Variants in UGT1A8 observed in about 807,000 individuals in gnomAD.
The protein encoded by UGT1A8 is UDP-glucuronosyltransferase 1A8.
Under a neutral mutation model 45.3 loss-of-function variants are expected in UGT1A8, and 39 were observed. That is an observed-to-expected ratio of 0.86 (90% CI 0.67 to 1.12). UGT1A8 has a LOEUF of 1.12. Ranked by LOEUF, UGT1A8 falls within the 50% of genes most tolerant of loss-of-function variation. The pLI, the probability that UGT1A8 is intolerant of heterozygous loss-of-function variation, is 0.00. For synonymous variants in UGT1A8, 275 were observed against 249.2 expected (o/e 1.10, Z -0.97); for missense variants, 719 against 664.9 (o/e 1.08, Z -0.90).
intron 1 of UGT1A8, among the ~76,000 whole-genome samples, chr2:233,739,926 A>G (rs1487240865): frequency 2.0e-5 from 3 of 151,650 alleles, no homozygotes; most frequent in Non-Finnish European, 4.4e-5. Context: ...CATAATCCCC[A>G]TGTGTTAAGG....
chr2:233,665,769 A>T (rs2074064535), intron 1 of UGT1A8, among the ~76,000 whole-genome samples: 1 of 152,226 alleles, frequency 6.6e-6, no homozygotes, highest in East Asian at 1.9e-4. Flanking sequence ...CACACAATAC[A>T]GGAAGTATTT....
rs552536149 is a variant in UGT1A8 at position 233,737,258 on chromosome 2, C to T, written c.856-29776C>T. Among the ~76,000 whole-genome samples, 3 of 152,360 alleles carry T rather than the reference C, an allele frequency of 2.0e-5. No individual in the cohort carries two copies. In the East Asian group the frequency reaches 5.8e-4, roughly 29 times the overall value. On this transcript the variant is annotated intron_variant, in intron 1 of 4. Coordinates refer to ENST00000373450, the MANE Select transcript of UGT1A8 (RefSeq NM_019076.5). Reference sequence around the variant, plus strand: ...CTTTGTTTACCTACTCAAGCCTCAGCAATGGCGGACACCCCTCACCCAGCC... The same window carrying T: ...CTTTGTTTACCTACTCAAGCCTCAGTAATGGCGGACACCCCTCACCCAGCC...
At position 233,679,487 on chromosome 2, in the gene UGT1A8, C is replaced by T. The variant is rs146024249; in HGVS notation, c.855+60925C>T. ...AACAGTAGAGTTAGCCTATCCCTTCCTGCCTTACATTCTGGTGCTTGGTTT... is the reference window on the plus strand; with the variant it reads ...AACAGTAGAGTTAGCCTATCCCTTCTTGCCTTACATTCTGGTGCTTGGTTT... On this transcript the variant is annotated intron_variant, in intron 1 of 4. Coordinates refer to ENST00000373450, the MANE Select transcript of UGT1A8 (RefSeq NM_019076.5). 2.3e-4 allele frequency among the ~76,000 whole-genome samples: 35 copies of T among 152,290 alleles called. 1 individual carries two copies. The highest frequency in any genetic ancestry group is 8.2e-4 in the African/African-American group (34 of 41,550).
In UGT1A8 at chr2:233,719,617, C is replaced by T. The variant is rs756696112; in HGVS notation, c.856-47417C>T. On this transcript the variant is annotated intron_variant, in intron 1 of 4. Transcript: ENST00000373450. ...CGAGGGGACTTTGTGATGGACTACC[C>T]CAGGCCGATCATGCCCAACATGGTC... 9 of 1,614,012 alleles carry T rather than the reference C, an allele frequency of 5.6e-6. No homozygotes were observed. The South Asian group carries it at 9.9e-5, about 18-fold the overall frequency.
intron 1 of UGT1A8, chr2:233,693,859 G>A: frequency 6.2e-7 from 1 of 1,614,192 alleles, no homozygotes; most frequent in Non-Finnish European, 8.5e-7. Flanking sequence ...GGAAAGACTT[G>A]TCTCAGGTTG....
intron 1 of UGT1A8, among the ~76,000 whole-genome samples, chr2:233,680,213 G>C (rs1240097253): frequency 6.6e-6 from 1 of 152,038 alleles, no homozygotes; most frequent in Non-Finnish European, 1.5e-5. Flanking sequence ...GCACTTTATA[G>C]TCCCATGGTG....
chr2:233,768,108 G>C, intron 3 of UGT1A8, 112 bp from the exon 4 acceptor site: 1 of 1,594,934 alleles, frequency 6.3e-7, no homozygotes, highest in South Asian at 1.1e-5. Flanking sequence ...GCAAATTTCT[G>C]CAAGGGCATG....
intron 1 of UGT1A8, among the ~76,000 whole-genome samples, chr2:233,658,234 G>T (rs1428570207): frequency 6.6e-6 from 1 of 152,034 alleles, no homozygotes; most frequent in Non-Finnish European, 1.5e-5. Context: ...GACCAGGCTG[G>T]CCTCAAACTC....
rs536054033 is a variant in UGT1A8, at chr2:233,697,515, T to TA, written c.856-69513dup. Among the ~76,000 whole-genome samples, 41 of 150,144 alleles carry TA rather than the reference T, an allele frequency of 2.7e-4. No homozygotes were observed. In the Middle Eastern group the frequency reaches 0.01, roughly 37 times the overall value. ...AATTTTGTTTATCTTTTTTTTTTTTTAAAAAACTTTTTGTTTCATTGGTCT... is the reference window on the plus strand; with the variant it reads ...AATTTTGTTTATCTTTTTTTTTTTTTAAAAAAACTTTTTGTTTCATTGGTCT... On this transcript the variant is annotated intron_variant, in intron 1 of 4. Transcript: ENST00000373450.
intron 1 of UGT1A8, among the ~76,000 whole-genome samples, chr2:233,714,574 C>A (rs1193502445): frequency 2.0e-5 from 3 of 152,204 alleles, no homozygotes; most frequent in Non-Finnish European, 2.9e-5. Flanking sequence ...AAACCACATA[C>A]ATAATTTAAA....
intron 1 of UGT1A8, among the ~76,000 whole-genome samples, chr2:233,730,887 G>T (rs979903664): frequency 2.6e-5 from 4 of 152,076 alleles, no homozygotes; most frequent in African/African-American, 7.2e-5. Context: ...TCTATAGTGG[G>T]ATCTACTCCT....
At chr2:233,640,697 A>G (rs942635689) in intron 1 of UGT1A8, among the ~76,000 whole-genome samples, 7 of 152,230 alleles carry the variant, frequency 4.6e-5, no homozygotes, top group Admixed American at 1.3e-4. Context: ...ACCCTCCCCA[A>G]TTTAGGGGCC....
chr2:233,747,871 T>C (rs12466997), intron 1 of UGT1A8: 130,796 of 1,613,384 alleles, frequency 0.081, 8,579 homozygotes, highest in African/African-American at 0.27. Context: ...CCTCTGGCCC[T>C]GTCCTACCTT....
At chr2:233,624,857 T>TCC (rs1184246787) in intron 1 of UGT1A8, among the ~76,000 whole-genome samples, 1 of 152,144 alleles carries the variant, frequency 6.6e-6, no homozygotes, top group African/African-American at 2.4e-5. Flanking sequence ...CTTTCATAAT[T>TCC]TTTGTCAGAT....
intron 1 of UGT1A8, among the ~76,000 whole-genome samples, chr2:233,626,708 C>T (rs186697090): frequency 6.6e-6 from 1 of 152,104 alleles, no homozygotes; most frequent in East Asian, 1.9e-4. Flanking sequence ...CAATCTTTTC[C>T]ATAGAAAACT....
At chr2:233,764,686 A>G (rs1297996810) in intron 1 of UGT1A8, among the ~76,000 whole-genome samples, 1 of 152,166 alleles carries the variant, frequency 6.6e-6, no homozygotes, top group African/African-American at 2.4e-5. Context: ...GAACTTGAAG[A>G]GCACTTGGAA....
At position 233,725,197 on chromosome 2, in the gene UGT1A8, C is replaced by G. The variant is rs183860264; in HGVS notation, c.856-41837C>G. 1.8e-3 allele frequency among the ~76,000 whole-genome samples: 143 copies of G among 80,676 alleles called. 7 individuals are homozygous for G. The highest frequency in any genetic ancestry group is 6.4e-3 in the Middle Eastern group (1 of 156). The allele number at this position is 80,676 out of a possible 152,430, so 52.9% of individuals were successfully genotyped here. A position where few individuals can be genotyped will look rare whatever the true frequency, so the allele number is the denominator to read the frequency against. On this transcript the variant is annotated intron_variant, in intron 1 of 4. Transcript: ENST00000373450. ...CCGTGGGGAGAGGCAGAGGCAGAGG[C>G]AGAGGCAGAGGCAGAGGCAGAGGAG...
At chr2:233,746,140 G>A (rs779278440) in intron 1 of UGT1A8, among the ~76,000 whole-genome samples, 6 of 151,874 alleles carry the variant, frequency 4.0e-5, no homozygotes, top group Non-Finnish European at 8.8e-5. Context: ...TGGCACCTGA[G>A]TGATAGCATG....
chr2:233,738,397 G>A (rs1161112118), intron 1 of UGT1A8, among the ~76,000 whole-genome samples: 2 of 152,236 alleles, frequency 1.3e-5, no homozygotes, highest in Non-Finnish European at 2.9e-5. Context: ...AAGTGACTTG[G>A]AACTGGGTAA....
Sources: allele counts gnomAD v4.1 joint callset (sites outside exome capture counted in the v4.1 genomes callset), GRCh38; gene constraint gnomAD v4.1.1; transcripts MANE v1.5; gene names NCBI Gene and HGNC (gene_info 2026-07-23, HGNC 2026-07-21).